PUM2: variants seen among roughly 807,000 people sequenced by gnomAD.
PUM2 encodes the protein pumilio homolog 2.
In PUM2, 57 loss-of-function variants were observed where a neutral mutation model predicts 124.5. The ratio of observed to expected loss-of-function variants is 0.46; its 90% CI spans 0.37 to 0.57. PUM2 has a LOEUF of 0.57. Ranked by LOEUF, PUM2 falls within the 20% of genes least tolerant of loss-of-function variation. The probability of loss-of-function intolerance (pLI) is 0.00; values close to 1 mark genes in which losing one functional copy is unlikely to be tolerated. For missense variants in PUM2, 1,065 were observed against 1,290.6 expected, an observed-to-expected ratio of 0.83 and a Z score of 2.68; for synonymous variants, 460 against 446.1, an observed-to-expected ratio of 1.03 and a Z score of -0.39.
At chr2:20,289,145 A>G (rs1184379461) in intron 10 of PUM2, among the ~76,000 whole-genome samples, 1 of 152,086 alleles carries the variant, frequency 6.6e-6, no homozygotes, top group African/African-American at 2.4e-5. Flanking sequence ...CAAAAGAAAA[A>G]AAAAAGTTGG....
chr2:20,256,070 T>C lies in PUM2; in HGVS notation c.2585A>G (p.Gln862Arg). 6.3e-7 allele frequency: 1 copy of C among 1,596,454 alleles called. No individual in the cohort carries two copies. The highest frequency in any genetic ancestry group is 8.5e-7 in the Non-Finnish European group (1 of 1,173,916). Residue 862 changes from glutamine (Q) to arginine (R), a missense_variant, in exon 17 of 21, where the codon CAG (glutamine) becomes CGG (arginine). This residue lies in a region of PUM2 where 968 missense variants were observed against 1,159.8 expected (regional missense o/e 0.83). Transcript: ENST00000361078. Reference sequence around the variant, plus strand: ...AGCATCAATGATGAACTGTAGTGACTGTGGCTGAACACATTCGATACATTT... The same window carrying C: ...AGCATCAATGATGAACTGTAGTGACCGTGGCTGAACACATTCGATACATTT... ...VQKCIECVQP[Q>R]SLQFIIDAFK...
chr2:20,344,551 T>A (rs562316866), intron 1 of PUM2, among the ~76,000 whole-genome samples: 47 of 152,246 alleles, frequency 3.1e-4, no homozygotes, highest in African/African-American at 1.1e-3. Flanking sequence ...CTCTCCTATC[T>A]CTCTTTTGTC....
intron 1 of PUM2, among the ~76,000 whole-genome samples, chr2:20,335,953 T>A (rs1685911242): frequency 6.6e-6 from 1 of 152,226 alleles, no homozygotes. Context: ...TCTCCTCTTA[T>A]AAGGCATCCT....
rs753573941 is a variant in PUM2, at chr2:20,256,011, A to G, written c.2622+22T>C. ...TAAAATAATGCCCTGCTAACAAATT[A>G]TAAGCCAAAACTCAAACATACTTGT... On this transcript the variant is annotated intron_variant, in intron 17 of 20. Transcript: ENST00000361078. 19 of 1,512,598 alleles carry G rather than the reference A, an allele frequency of 1.3e-5. No individual in the cohort carries two copies. In the Admixed American group the frequency reaches 1.5e-4, roughly 12 times the overall value. The allele number at this position is 1,512,598 out of a possible 1,614,324, so 93.7% of individuals were successfully genotyped here.
In PUM2 at chr2:20,331,589, A is replaced by G. The variant is rs1456337155; in HGVS notation, c.-18-4211T>C. On this transcript the variant is annotated intron_variant, in intron 1 of 20. Coordinates refer to ENST00000361078, the MANE Select transcript of PUM2 (RefSeq NM_015317.5). ...AATGTGGGGAAAGGGCAAACCCAAT[A>G]AACTGTTAAAACCAGTATCGAAAGC... 5.9e-5 allele frequency: 9 copies of G among 151,672 alleles called. No individual in the cohort carries two copies. The East Asian group carries it at 1.3e-3, about 23-fold the overall frequency. The allele number at this position is 151,672 out of a possible 1,614,324, so 9.4% of individuals were successfully genotyped here.
chr2:20,294,537 C>T lies in PUM2; in HGVS notation c.1010-19G>A. ...GCTGGACCTAAACCCCACACCCGAC[C>T]CCCGAATAAAAAGTTACTAGATTTT... On this transcript the variant is annotated intron_variant, in intron 8 of 20. Coordinates refer to ENST00000361078, the MANE Select transcript of PUM2 (RefSeq NM_015317.5). 6.4e-7 allele frequency: 1 copy of T among 1,572,670 alleles called. No homozygotes were observed. The highest frequency in any genetic ancestry group is 8.6e-7 in the Non-Finnish European group (1 of 1,159,860).
intron 2 of PUM2, among the ~76,000 whole-genome samples, chr2:20,320,008 C>A (rs1323735939): frequency 1.3e-5 from 2 of 152,172 alleles, no homozygotes; most frequent in African/African-American, 4.8e-5. Flanking sequence ...TGGCTCACAC[C>A]TGTAATCCCA....
At chr2:20,313,628 G>C (rs1356886682) in intron 3 of PUM2, among the ~76,000 whole-genome samples, 1 of 152,040 alleles carries the variant, frequency 6.6e-6, no homozygotes, top group East Asian at 1.9e-4. Context: ...AGAGGAGCTT[G>C]AGACTAGCAT....
chr2:20,314,469 T>C (rs1242939629), intron 3 of PUM2, among the ~76,000 whole-genome samples: 3 of 152,224 alleles, frequency 2.0e-5, no homozygotes, highest in African/African-American at 7.2e-5. Context: ...AATGCAAATA[T>C]AGTAATACAT....
At chr2:20,327,813 G>A (rs1684028636) in intron 1 of PUM2, among the ~76,000 whole-genome samples, 1 of 152,096 alleles carries the variant, frequency 6.6e-6, no homozygotes, top group South Asian at 2.1e-4. Context: ...AGAAACCAAA[G>A]GACACAGTCT....
chr2:20,312,708 G>T lies in PUM2; in HGVS notation c.161-285C>A, dbSNP rs7573970. On this transcript the variant is annotated intron_variant, in intron 3 of 20. Transcript: ENST00000361078. ...ACCACTGACTTTCTTCACAGAATTA[G>T]ATAAAATTACTTTAAATTTCATATG... 3.7e-3 allele frequency among the ~76,000 whole-genome samples: 562 copies of T among 152,218 alleles called. 6 individuals carry two copies. The highest frequency in any genetic ancestry group is 0.013 in the African/African-American group (549 of 41,532).
intron 10 of PUM2, among the ~76,000 whole-genome samples, chr2:20,285,157 A>G (rs944938879): frequency 2.0e-5 from 3 of 152,224 alleles, no homozygotes; most frequent in African/African-American, 4.8e-5. Context: ...GCGTATATAA[A>G]TTCCCAGAGA....
chr2:20,258,408 T>A, intron 15 of PUM2, 37 bp from the exon 16 acceptor site: 1 of 1,594,934 alleles, frequency 6.3e-7, no homozygotes, highest in Non-Finnish European at 8.6e-7. Flanking sequence ...ACAAGTGACC[T>A]TAATATTGCT....
chr2:20,302,228 T>A, intron 7 of PUM2, among the ~76,000 whole-genome samples: 1 of 152,182 alleles, frequency 6.6e-6, no homozygotes, highest in Non-Finnish European at 1.5e-5. Flanking sequence ...TTCTGTCATA[T>A]AAATTCTTGA....
At chr2:20,342,762 GT>G (rs1202196226) in intron 1 of PUM2, among the ~76,000 whole-genome samples, 3 of 152,136 alleles carry the variant, frequency 2.0e-5, no homozygotes, top group African/African-American at 7.2e-5. Context: ...ATGAATTGCG[GT>G]TTTTAAAGTT....
chr2:20,259,787 T>A (rs1665728014), intron 15 of PUM2, among the ~76,000 whole-genome samples: 2 of 152,336 alleles, frequency 1.3e-5, no homozygotes, highest in Admixed American at 1.3e-4. Context: ...CTTTCAATTG[T>A]ACCCCTAGGA....
At chr2:20,339,928 G>A (rs1294199807) in intron 1 of PUM2, among the ~76,000 whole-genome samples, 1 of 149,226 alleles carries the variant, frequency 6.7e-6, no homozygotes, top group Non-Finnish European at 1.5e-5. Flanking sequence ...CACAGGATAA[G>A]TATTTATAAA....
intron 14 of PUM2, among the ~76,000 whole-genome samples, chr2:20,262,272 C>T (rs1558491663): frequency 6.6e-6 from 1 of 152,192 alleles, no homozygotes; most frequent in Non-Finnish European, 1.5e-5. Context: ...TCCAGTCCTG[C>T]AAGCTCCATT....
chr2:20,263,871 AT>A (rs980013638), intron 13 of PUM2, among the ~76,000 whole-genome samples: 2 of 152,154 alleles, frequency 1.3e-5, no homozygotes, highest in Non-Finnish European at 2.9e-5. Context: ...TATTAACACA[AT>A]AACATTGAAT....
Sources: gnomAD v4.1 joint callset for allele counts (sites outside exome capture counted in the v4.1 genomes callset) on GRCh38, gnomAD v4.1.1 for gene constraint, gnomAD v4.1.1 regional missense constraint, MANE v1.5 for transcripts, NCBI Gene and HGNC (gene_info 2026-07-23, HGNC 2026-07-21) for gene names.